The following SP140 variants were observed in gnomAD, a reference collection of about 807,000 sequenced individuals.
SP140 encodes SP140 nuclear body protein.
SP140 carries 81 observed loss-of-function variants against 125.0 expected under a neutral mutation model. That is an observed-to-expected ratio of 0.65 (90% CI 0.54 to 0.78). The LOEUF is 0.78. SP140 is among the 30% of genes least tolerant of loss of function. SP140 has a pLI of 0.00. For missense variants in SP140, 858 were observed against 1,037.0 expected (o/e 0.83, Z 2.37); for synonymous variants, 312 against 354.0 (o/e 0.88, Z 1.33).
intron 15 of SP140, 51 bp from the exon 16 acceptor site, chr2:230,284,295 G>T: frequency 2.0e-6 from 3 of 1,519,602 alleles, no homozygotes; most frequent in African/African-American, 1.4e-5. Context: ...AAAACTCAGA[G>T]AATTATATTT....
chr2:230,243,412 G>A (rs538648607), intron 4 of SP140, among the ~76,000 whole-genome samples: 8 of 152,184 alleles, frequency 5.3e-5, no homozygotes, highest in Non-Finnish European at 7.3e-5. Flanking sequence ...ATCTAGGAAA[G>A]AGAGGCTCCA....
chr2:230,312,090 G>T (rs1477384775), intron 26 of SP140, among the ~76,000 whole-genome samples: 1 of 152,196 alleles, frequency 6.6e-6, no homozygotes, highest in Non-Finnish European at 1.5e-5. Context: ...AAAGAACCTA[G>T]ATTGCTTTTC....
the SP140 span, chr2:230,186,225 C>T: frequency 7.6e-7 from 1 of 1,322,074 alleles, no homozygotes; most frequent in Non-Finnish European, 1.1e-6. Context: ...GTTATCTTGC[C>T]ATTTCTCTAT....
intron 17 of SP140, among the ~76,000 whole-genome samples, chr2:230,286,988 A>G (rs1489745655): frequency 6.6e-6 from 1 of 152,224 alleles, no homozygotes; most frequent in Admixed American, 6.5e-5. Flanking sequence ...TGGATGGTGG[A>G]CATCCAGCAC....
At chr2:230,218,763 AT>A (rs2045511498) in intron 3 of SP140, among the ~76,000 whole-genome samples, 1 of 152,234 alleles carries the variant, frequency 6.6e-6, no homozygotes, top group African/African-American at 2.4e-5. Flanking sequence ...TACATCTCAT[AT>A]ATGACTGTTC....
Position 230,297,565 on chromosome 2 carries a change from A to G in SP140, c.2058+103A>G, listed in dbSNP as rs1447778751. ...TGTTGCCTGAATCATGTTCAGTCTC[A>G]GCTGGAGTATGTGGCTGTGTGAATT... On this transcript the variant is annotated intron_variant, in intron 22 of 26. Transcript: ENST00000392045. The G allele has an allele frequency of 1.1e-5, 15 of 1,366,300 alleles. No individual in the cohort carries two copies. The Admixed American group carries it at 2.6e-4, about 24-fold the overall frequency. The allele number at this position is 1,366,300 out of a possible 1,614,324, so 84.6% of individuals were successfully genotyped here. A position where few individuals can be genotyped will look rare whatever the true frequency, so the allele number is the denominator to read the frequency against.
chr2:230,233,169 C>T (rs758571610), intron 1 of SP140, among the ~76,000 whole-genome samples: 2 of 151,936 alleles, frequency 1.3e-5, no homozygotes, highest in Admixed American at 6.6e-5. Flanking sequence ...TTTGTAGCCT[C>T]ATTTTGACTC....
chr2:230,276,864 G>T (rs1027218231), intron 15 of SP140, among the ~76,000 whole-genome samples: 4 of 152,186 alleles, frequency 2.6e-5, no homozygotes, highest in African/African-American at 9.6e-5. Flanking sequence ...CAACACATCA[G>T]TGAAGAAGTA....
intron 20 of SP140, among the ~76,000 whole-genome samples, chr2:230,293,633 G>A (rs540251693): frequency 3.9e-5 from 6 of 152,120 alleles, no homozygotes; most frequent in African/African-American, 7.2e-5. Flanking sequence ...ACCCCGCCCC[G>A]CCATAAAACA....
chr2:230,276,769 A>T (rs2054774826), intron 15 of SP140, among the ~76,000 whole-genome samples: 1 of 152,194 alleles, frequency 6.6e-6, no homozygotes, highest in Non-Finnish European at 1.5e-5. Flanking sequence ...AACATTCATG[A>T]TATATGAGAG....
chr2:230,209,191 C>T (rs763955554), intron 1 of SP140, among the ~76,000 whole-genome samples: 3 of 152,092 alleles, frequency 2.0e-5, no homozygotes, highest in East Asian at 1.9e-4. Context: ...GTTGGGAAAT[C>T]GAGCCAGGTT....
intron 3 of SP140, among the ~76,000 whole-genome samples, chr2:230,216,221 T>C (rs1362499981): frequency 6.6e-6 from 1 of 152,228 alleles, no homozygotes; most frequent in Non-Finnish European, 1.5e-5. Context: ...AATCTGTGAA[T>C]GTGAACTTAT....
intron 21 of SP140, among the ~76,000 whole-genome samples, chr2:230,296,469 A>G: frequency 6.6e-6 from 1 of 152,232 alleles, no homozygotes; most frequent in Admixed American, 6.5e-5. Flanking sequence ...ATGGATATCC[A>G]AAAGCAATCT....
intron 17 of SP140, among the ~76,000 whole-genome samples, chr2:230,286,199 T>C (rs1396660550): frequency 6.6e-6 from 1 of 152,218 alleles, no homozygotes; most frequent in Middle Eastern, 3.2e-3. Flanking sequence ...TTCTTTCCTG[T>C]CTTGAGCAAG....
intron 4 of SP140, among the ~76,000 whole-genome samples, chr2:230,242,469 A>G (rs529755038): frequency 6.6e-6 from 1 of 152,232 alleles, no homozygotes. Context: ...GAATAGTCCA[A>G]TGATTCCCAA....
rs779005750 is a variant in SP140, at chr2:230,238,193, C to A, written c.238-20C>A. 13 of 1,559,558 alleles carry A rather than the reference C, an allele frequency of 8.3e-6. No individual in the cohort carries two copies. The South Asian group carries it at 1.3e-4, about 15-fold the overall frequency. On this transcript the variant is annotated intron_variant, in intron 2 of 26. Transcript: ENST00000392045. The stretch of plus-strand genomic sequence containing the variant: ...CCCATAAATCTCTAGCTACATAATT[C>A]TCCATTTAATATTTTTAAGCATTTT...
intron 3 of SP140, 61 bp downstream of exon 3, chr2:230,238,442 A>C (rs567672723): frequency 4.1e-6 from 6 of 1,459,634 alleles, no homozygotes; most frequent in Non-Finnish European, 5.7e-6. Context: ...TGATTCATTC[A>C]TTCACTCTTC....
intron 9 of SP140, among the ~76,000 whole-genome samples, chr2:230,250,120 G>T (rs1172881585): frequency 2.0e-5 from 3 of 152,148 alleles, no homozygotes; most frequent in Non-Finnish European, 4.4e-5. Context: ...TTTCTCCAGG[G>T]TTTACTCTGT....
chr2:230,304,153 A>G (rs1326705621), intron 22 of SP140, among the ~76,000 whole-genome samples: 2 of 152,210 alleles, frequency 1.3e-5, no homozygotes, highest in East Asian at 3.8e-4. Flanking sequence ...CCCCTTTTAC[A>G]CTAGCTGCAA....
Sources: gnomAD v4.1 joint callset for allele counts (sites outside exome capture counted in the v4.1 genomes callset) on GRCh38, gnomAD v4.1.1 for gene constraint, MANE v1.5 for transcripts, NCBI Gene and HGNC (gene_info 2026-07-23, HGNC 2026-07-21) for gene names.